The following CNTN1 variants were observed in gnomAD, a reference collection of about 807,000 sequenced individuals.
CNTN1 encodes contactin-1.
Under a neutral mutation model 126.4 loss-of-function variants are expected in CNTN1, and 38 were observed. The observed-to-expected ratio is 0.30, with a 90% CI of 0.23 to 0.39. The LOEUF (loss-of-function observed/expected upper bound fraction) is 0.39, where lower values mean the gene tolerates loss of function less well. Among genes scored for constraint, CNTN1 ranks in the 10% least tolerant of loss-of-function variants. The probability of loss-of-function intolerance (pLI) is 1.00; values close to 1 mark genes in which losing one functional copy is unlikely to be tolerated. For missense variants in CNTN1, 1,009 were observed against 1,248.4 expected, an observed-to-expected ratio of 0.81 and a Z score of 2.89; for synonymous variants, 413 against 422.6, an observed-to-expected ratio of 0.98 and a Z score of 0.28.
In CNTN1 at chr12:40,925,840, GTGTGTA is replaced by G. The variant is rs1565963172; in HGVS notation, c.496+1190_496+1195del. On this transcript the variant is annotated intron_variant, in intron 6 of 23. Coordinates refer to ENST00000551295, the MANE Select transcript of CNTN1 (RefSeq NM_001843.4). ...TATATATATATATATGTATGTGTGTGTGTGTATATATATATATATATATATATGTAT... is the reference window on the plus strand; with the variant it reads ...TATATATATATATATGTATGTGTGTGTATATATATATATATATATATGTAT... Among the ~76,000 whole-genome samples, 11 of 76,480 alleles carry G rather than the reference GTGTGTA, an allele frequency of 1.4e-4. No homozygotes were observed. The South Asian group carries it at 2.9e-3, about 20-fold the overall frequency. 50.2% of individuals were successfully genotyped at this position (76,480 alleles called of 152,430 possible).
chr12:41,007,261 C>T (rs1036282937), intron 17 of CNTN1, among the ~76,000 whole-genome samples: 13 of 151,584 alleles, frequency 8.6e-5, no homozygotes, highest in African/African-American at 9.7e-5. Context: ...GGGGTTTCAC[C>T]GTTTTAGCCG....
intron 23 of CNTN1, among the ~76,000 whole-genome samples, chr12:41,057,187 A>G (rs561588867): frequency 1.5e-5 from 2 of 130,388 alleles, no homozygotes; most frequent in African/African-American, 6.3e-5. Flanking sequence ...ATAAATATTT[A>G]GATATTTATA....
At chr12:40,753,856 C>T (rs371599836) in intron 1 of CNTN1, among the ~76,000 whole-genome samples, 102 of 152,188 alleles carry the variant, frequency 6.7e-4, no homozygotes, top group African/African-American at 2.4e-3. Context: ...ATCAAATATG[C>T]TTACATGTTC....
intron 1 of CNTN1, among the ~76,000 whole-genome samples, chr12:40,845,396 A>G (rs7300719): frequency 6.6e-6 from 1 of 152,036 alleles, no homozygotes; most frequent in Non-Finnish European, 1.5e-5. Context: ...ACACAGGTTA[A>G]TTTAACTTGT....
intron 20 of CNTN1, among the ~76,000 whole-genome samples, chr12:41,022,539 G>T (rs1948943273): frequency 6.6e-6 from 1 of 152,154 alleles, no homozygotes; most frequent in Admixed American, 6.5e-5. Context: ...TAAATAACCT[G>T]TATTTAAGAA....
chr12:40,768,906 A>G (rs1939227468), intron 1 of CNTN1, among the ~76,000 whole-genome samples: 1 of 152,196 alleles, frequency 6.6e-6, no homozygotes, highest in Non-Finnish European at 1.5e-5. Context: ...TTATTTTATT[A>G]TACATAAGAA....
chr12:40,918,369 G>A (rs571919528), intron 3 of CNTN1, among the ~76,000 whole-genome samples: 27 of 152,114 alleles, frequency 1.8e-4, no homozygotes, highest in Non-Finnish European at 2.8e-4. Flanking sequence ...AGGCTCAGGG[G>A]CATGAAAGCA....
intron 1 of CNTN1, among the ~76,000 whole-genome samples, chr12:40,716,546 G>A (rs1162045221): frequency 6.6e-6 from 1 of 152,188 alleles, no homozygotes. Context: ...CCACCTGGGT[G>A]TTGGACATGG....
chr12:40,960,363 C>T (rs1193385315), intron 15 of CNTN1, among the ~76,000 whole-genome samples: 2 of 151,788 alleles, frequency 1.3e-5, no homozygotes, highest in Admixed American at 6.6e-5. Context: ...TACATTTTGC[C>T]TTTACTTTTC....
chr12:40,880,133 TA>T lies in CNTN1; in HGVS notation c.-76-28219del, dbSNP rs1592197995. Among the ~76,000 whole-genome samples the T allele has an allele frequency of 5.3e-5, 8 of 152,142 alleles. No homozygotes were observed. The East Asian group carries it at 1.2e-3, about 22-fold the overall frequency. The stretch of plus-strand genomic sequence containing the variant: ...CATAAATAATGTAAATATTATATAA[TA>T]AAAAGTAAAAAGCAGATTAGCAATA... On this transcript the variant is annotated intron_variant, in intron 1 of 23. Coordinates refer to ENST00000551295, the MANE Select transcript of CNTN1 (RefSeq NM_001843.4).
intron 1 of CNTN1, among the ~76,000 whole-genome samples, chr12:40,799,956 G>A (rs577623572): frequency 6.6e-6 from 1 of 152,100 alleles, no homozygotes; most frequent in South Asian, 2.1e-4. Context: ...TGACATTAAA[G>A]TCCAAAGTGT....
intron 1 of CNTN1, among the ~76,000 whole-genome samples, chr12:40,833,572 T>TAA (rs34552699): frequency 6.6e-6 from 1 of 151,416 alleles, no homozygotes; most frequent in African/African-American, 2.4e-5. Flanking sequence ...TCTTTTTTCT[T>TAA]AAAAAAAAAA....
chr12:40,971,662 T>C, intron 15 of CNTN1: 2 of 1,450,824 alleles, frequency 1.4e-6, no homozygotes, highest in Non-Finnish European at 1.8e-6. Flanking sequence ...CATGTAAACA[T>C]ACTTTGGGCA....
At chr12:40,922,450 A>C in intron 5 of CNTN1, 22 bp downstream of exon 5, 1 of 1,612,018 alleles carries the variant, frequency 6.2e-7, no homozygotes, top group Non-Finnish European at 8.5e-7. Context: ...GTAACTTTTA[A>C]AAAAGGGCAA....
intron 1 of CNTN1, among the ~76,000 whole-genome samples, chr12:40,822,580 A>T (rs73116791): frequency 6.6e-6 from 1 of 152,034 alleles, no homozygotes; most frequent in East Asian, 1.9e-4. Context: ...GTGAATTTTT[A>T]AAAATGCTAT....
chr12:40,992,716 A>G (rs1948123163), intron 16 of CNTN1, among the ~76,000 whole-genome samples: 1 of 152,324 alleles, frequency 6.6e-6, no homozygotes, highest in South Asian at 2.1e-4. Flanking sequence ...GCCATAGACT[A>G]TATCAGTGGC....
chr12:40,735,667 A>T (rs76485442), intron 1 of CNTN1, among the ~76,000 whole-genome samples: 3,317 of 152,218 alleles, frequency 0.022, 50 homozygotes, highest in African/African-American at 0.045. Context: ...GATATCTATA[A>T]TCTTGAATCA....
chr12:40,991,521 A>C (rs1948094619), intron 16 of CNTN1, among the ~76,000 whole-genome samples: 1 of 152,150 alleles, frequency 6.6e-6, no homozygotes, highest in African/African-American at 2.4e-5. Flanking sequence ...AATCATTGAA[A>C]AGTGTCCAGT....
intron 1 of CNTN1, among the ~76,000 whole-genome samples, chr12:40,703,942 T>G (rs1465933905): frequency 6.6e-6 from 1 of 152,120 alleles, no homozygotes; most frequent in Non-Finnish European, 1.5e-5. Flanking sequence ...AAAAAGGTAG[T>G]TCAAAACTGC....
Sources: allele counts gnomAD v4.1 joint callset (sites outside exome capture counted in the v4.1 genomes callset), GRCh38; gene constraint gnomAD v4.1.1; transcripts MANE v1.5; gene names NCBI Gene and HGNC (gene_info 2026-07-23, HGNC 2026-07-21).